Variants in AUTS2 observed in about 807,000 individuals in gnomAD.
The protein encoded by AUTS2 is activator of transcription and developmental regulator AUTS2.
Under a neutral mutation model 112.4 loss-of-function variants are expected in AUTS2, and 17 were observed. The observed-to-expected ratio is 0.15, with a 90% CI of 0.10 to 0.23. AUTS2 has a LOEUF of 0.23. Ranked by LOEUF, AUTS2 falls within the 10% of genes least tolerant of loss-of-function variation. The pLI is 1.00. For missense variants in AUTS2, 1,510 were observed against 1,701.6 expected (o/e 0.89, Z 1.98); for synonymous variants, 751 against 702.7 (o/e 1.07, Z -1.09).
At chr7:69,786,060 G>A (rs1240784863) in intron 1 of AUTS2, among the ~76,000 whole-genome samples, 1 of 152,150 alleles carries the variant, frequency 6.6e-6, no homozygotes, top group Admixed American at 6.5e-5. Context: ...TCAAACTCCT[G>A]ACCTCAGGGT....
chr7:70,681,667 C>G (rs957099345), intron 5 of AUTS2, among the ~76,000 whole-genome samples: 1 of 152,146 alleles, frequency 6.6e-6, no homozygotes, highest in Admixed American at 6.5e-5. Context: ...CTAGAGCTGT[C>G]ATGACCTACA....
intron 5 of AUTS2, among the ~76,000 whole-genome samples, chr7:70,626,476 A>G (rs1317297416): frequency 6.6e-6 from 1 of 151,974 alleles, no homozygotes; most frequent in Non-Finnish European, 1.5e-5. Flanking sequence ...TAGGTACCAG[A>G]CAATGAAATA....
chr7:70,235,224 C>A (rs1190157051), intron 4 of AUTS2, among the ~76,000 whole-genome samples: 1 of 152,014 alleles, frequency 6.6e-6, no homozygotes, highest in East Asian at 1.9e-4. Flanking sequence ...ACCTGGAACT[C>A]CTGGGCTCAA....
Position 70,763,094 on chromosome 7 carries a change from G to T in AUTS2, c.967G>T (p.Asp323Tyr). Residue 323 changes from aspartate (D) to tyrosine (Y), a missense_variant, in exon 7 of 19, where the codon GAC (aspartate) becomes TAC (tyrosine). This residue lies in a region of AUTS2 where 535 missense variants were observed against 594.3 expected (regional missense o/e 0.90). Transcript: ENST00000342771. ...PQLRAPSPDP[D>Y]LVQRTEAPPQ... ...ACTCCGAGCTCCTTCTCCGGACCCT[G>T]ACTTGGTGCAGCGCACAGAGGCCCC... 1 of 1,614,104 alleles carries T rather than the reference G, an allele frequency of 6.2e-7. No individual in the cohort carries two copies. The highest frequency in any genetic ancestry group is 8.5e-7 in the Non-Finnish European group (1 of 1,180,032).
chr7:70,308,506 C>A (rs928821147), intron 4 of AUTS2, among the ~76,000 whole-genome samples: 1 of 152,106 alleles, frequency 6.6e-6, no homozygotes, highest in African/African-American at 2.4e-5. Flanking sequence ...TTTAAAAGTG[C>A]GGCTGAAGTT....
chr7:70,791,577 T>G lies in AUTS2; in HGVS notation c.*581T>G, dbSNP rs1254832860. The G allele has an allele frequency of 6.5e-6, 1 of 152,672 alleles. No homozygotes were observed. The highest frequency in any genetic ancestry group is 1.5e-5 in the Non-Finnish European group (1 of 68,052). The allele number at this position is 152,672 out of a possible 1,614,324, so 9.5% of individuals were successfully genotyped here. The stretch of plus-strand genomic sequence containing the variant: ...AAAGCTGTGTTCCCATATATTGTTA[T>G]AGACAGCTAAACCCTTCAACTATGC... On this transcript the variant is annotated 3_prime_UTR_variant, in exon 19 of 19. Coordinates refer to ENST00000342771, the MANE Select transcript of AUTS2 (RefSeq NM_015570.4).
At chr7:70,410,388 A>G (rs1794720806) in intron 4 of AUTS2, among the ~76,000 whole-genome samples, 1 of 147,790 alleles carries the variant, frequency 6.8e-6, no homozygotes, top group Non-Finnish European at 1.5e-5. Flanking sequence ...CTGTCTTAGG[A>G]GGGTTTGTCT....
intron 4 of AUTS2, among the ~76,000 whole-genome samples, chr7:70,283,735 A>G (rs993506608): frequency 2.0e-5 from 3 of 152,162 alleles, no homozygotes; most frequent in African/African-American, 7.2e-5. Context: ...TAGAATCTCT[A>G]CTTAGAATAG....
At chr7:70,443,612 G>T (rs1262949216) in intron 5 of AUTS2, among the ~76,000 whole-genome samples, 2 of 152,142 alleles carry the variant, frequency 1.3e-5, no homozygotes, top group Non-Finnish European at 2.9e-5. Flanking sequence ...ACATACTCGG[G>T]TATATGTGTG....
At chr7:70,110,859 CTTTTTT>C (rs71077618) in intron 2 of AUTS2, among the ~76,000 whole-genome samples, 3 of 82,796 alleles carry the variant, frequency 3.6e-5, no homozygotes, top group African/African-American at 1.0e-4. Context: ...TTCTTTCTTT[CTTTTTT>C]TTTTTTTTTT....
At chr7:69,939,315 C>G (rs1049925871) in intron 2 of AUTS2, among the ~76,000 whole-genome samples, 1 of 152,132 alleles carries the variant, frequency 6.6e-6, no homozygotes, top group Non-Finnish European at 1.5e-5. Context: ...AAGGAGCCCC[C>G]TTAAATGTCA....
intron 6 of AUTS2, among the ~76,000 whole-genome samples, chr7:70,728,969 G>A (rs960071114): frequency 1.3e-5 from 2 of 152,108 alleles, no homozygotes; most frequent in South Asian, 2.1e-4. Context: ...TCAGTGAACA[G>A]CGCTCTCTCC....
At chr7:70,151,548 A>C (rs550833980) in intron 4 of AUTS2, among the ~76,000 whole-genome samples, 2 of 152,264 alleles carry the variant, frequency 1.3e-5, no homozygotes, top group Admixed American at 6.5e-5. Context: ...ATTGTGGCCC[A>C]CTGCAACCTC....
chr7:70,449,419 G>C (rs547476338), intron 5 of AUTS2, among the ~76,000 whole-genome samples: 1 of 152,276 alleles, frequency 6.6e-6, no homozygotes, highest in South Asian at 2.1e-4. Flanking sequence ...CTTACACCTG[G>C]ATTGGTCAGT....
At chr7:70,735,794 C>T (rs1416735326) in intron 6 of AUTS2, among the ~76,000 whole-genome samples, 1 of 152,086 alleles carries the variant, frequency 6.6e-6, no homozygotes, top group Non-Finnish European at 1.5e-5. Flanking sequence ...TGTTCCATTC[C>T]CCCGAGGAAG....
At chr7:70,351,295 C>T (rs954593555) in intron 4 of AUTS2, among the ~76,000 whole-genome samples, 2 of 152,118 alleles carry the variant, frequency 1.3e-5, no homozygotes, top group South Asian at 4.1e-4. Flanking sequence ...CTCTGGCGAT[C>T]CACCCGCCTC....
At chr7:70,334,524 C>A (rs991859742) in intron 4 of AUTS2, among the ~76,000 whole-genome samples, 8 of 152,226 alleles carry the variant, frequency 5.3e-5, no homozygotes, top group Admixed American at 5.2e-4. Context: ...GCAGTACAGG[C>A]AAGGGCAGAT....
At chr7:69,794,751 C>CTG (rs1310975440) in intron 1 of AUTS2, among the ~76,000 whole-genome samples, 1 of 151,986 alleles carries the variant, frequency 6.6e-6, no homozygotes, top group Non-Finnish European at 1.5e-5. Context: ...ACCTGTGCAA[C>CTG]TGAGGGGACG....
Position 70,442,424 on chromosome 7 carries a change from T to G in AUTS2, c.690+6643T>G, listed in dbSNP as rs146342174. Among the ~76,000 whole-genome samples the G allele has an allele frequency of 5.0e-3, 764 of 152,306 alleles. 4 individuals carry two copies. Among genetic ancestry groups the G allele is most frequent in the African/African-American group, 0.017 (718 of 41,582 alleles). On this transcript the variant is annotated intron_variant, in intron 5 of 18. Transcript: ENST00000342771. ...TTCTCATACAATATATCTAAGCCAT[T>G]TATAAGTTTCCTAACTTATAAATAG... is the stretch of plus-strand genomic sequence containing the variant.
Sources: allele counts gnomAD v4.1 joint callset (sites outside exome capture counted in the v4.1 genomes callset), GRCh38; gene constraint gnomAD v4.1.1; regional missense constraint gnomAD v4.1.1; transcripts MANE v1.5; gene names NCBI Gene and HGNC (gene_info 2026-07-23, HGNC 2026-07-21).